The following USP39 variants were observed in gnomAD, a reference collection of about 807,000 sequenced individuals.
USP39 encodes ubiquitin carboxyl-terminal hydrolase 39.
Under a neutral mutation model 66.4 loss-of-function variants are expected in USP39, and 38 were observed. The ratio of observed to expected loss-of-function variants is 0.57; its 90% CI spans 0.44 to 0.75. The LOEUF (loss-of-function observed/expected upper bound fraction) is 0.75, where lower values mean the gene tolerates loss of function less well. Among genes scored for constraint, USP39 ranks in the 30% least tolerant of loss-of-function variants. USP39 has a pLI of 0.00. For missense variants in USP39, 608 were observed against 714.4 expected (o/e 0.85, Z 1.70); for synonymous variants, 303 against 274.6 (o/e 1.10, Z -1.02).
intron 5 of USP39, among the ~76,000 whole-genome samples, chr2:85,630,305 G>A (rs907368581): frequency 2.0e-5 from 3 of 152,092 alleles, no homozygotes; most frequent in African/African-American, 4.8e-5. Context: ...TGTTTCCTAG[G>A]TAGTTATTTT....
Position 85,648,920 on chromosome 2 carries a change from C to A in USP39, c.*112C>A. On this transcript the variant is annotated 3_prime_UTR_variant, in exon 13 of 13. Transcript: ENST00000323701. Reference sequence around the variant, plus strand: ...TGGTGGGCTTCCTAGGCCAGCCCAGCTTGTATGGGTTCTGGCTACACCAGA... The same window carrying A: ...TGGTGGGCTTCCTAGGCCAGCCCAGATTGTATGGGTTCTGGCTACACCAGA... 7.8e-7 allele frequency: 1 copy of A among 1,274,564 alleles called. No homozygotes were observed. Among genetic ancestry groups the A allele is most frequent in the Non-Finnish European group, 1.1e-6 (1 of 887,180 alleles). The allele number at this position is 1,274,564 out of a possible 1,614,324, so 79.0% of individuals were successfully genotyped here.
At chr2:85,627,177 A>G (rs1674937124) in intron 5 of USP39, among the ~76,000 whole-genome samples, 1 of 151,742 alleles carries the variant, frequency 6.6e-6, no homozygotes, top group South Asian at 2.1e-4. Context: ...GTTCACTGCA[A>G]CCTCTGCTCC....
chr2:85,604,047 G>A (rs1026238828), intron 1 of USP39, among the ~76,000 whole-genome samples: 1 of 152,208 alleles, frequency 6.6e-6, no homozygotes, highest in South Asian at 2.1e-4. Flanking sequence ...GTTGCCCAGC[G>A]TGGGGAGCTG....
At chr2:85,631,730 TTTTTGTTTTG>T (rs955411421) in intron 6 of USP39, among the ~76,000 whole-genome samples, 11 of 151,896 alleles carry the variant, frequency 7.2e-5, no homozygotes, top group African/African-American at 1.2e-4. Context: ...TCTGATGATA[TTTTTGTTTTG>T]TTTTGTTTTG....
intron 11 of USP39, chr2:85,645,980 C>T (rs1676612793): frequency 6.6e-6 from 1 of 152,172 alleles, no homozygotes; most frequent in South Asian, 2.1e-4. Context: ...GGTTGAGAAC[C>T]TCTGCCCTAG....
In USP39 at chr2:85,616,423, C is replaced by A; in HGVS notation, c.228C>A (p.Arg76=). 1 of 1,591,044 alleles carries A rather than the reference C, an allele frequency of 6.3e-7. No homozygotes were observed. The highest frequency in any genetic ancestry group is 8.6e-7 in the Non-Finnish European group (1 of 1,166,446). Residue 76 remains arginine, a synonymous_variant, in exon 1 of 13, where the codon CGC becomes CGA. Coordinates refer to ENST00000323701, the MANE Select transcript of USP39 (RefSeq NM_006590.4). ...VVPFVRVKRE[R]EVDEDSEPER... ...CGTTTGTGCGGGTGAAGCGGGAGCG[C>A]GAGGTCGATGAGGACTCGGAGCCTG... is the stretch of plus-strand genomic sequence containing the variant.
chr2:85,615,280 A>G (rs1220471080), upstream of USP39, among the ~76,000 whole-genome samples: 2 of 152,130 alleles, frequency 1.3e-5, no homozygotes, highest in African/African-American at 2.4e-5. Context: ...TTGGCCTCCC[A>G]AAGTGCTGGT....
chr2:85,636,016 T>A lies in USP39; in HGVS notation c.950-37T>A. The A allele has an allele frequency of 1.9e-6, 3 of 1,605,624 alleles. No individual in the cohort carries two copies. The South Asian group carries it at 3.3e-5, about 18-fold the overall frequency. ...TGGTTTAAGTTAACTCTAATGCCAC[T>A]TAGCTTCAACGTTTTCCACCCTTCC... On this transcript the variant is annotated intron_variant, in intron 6 of 12. Coordinates refer to ENST00000323701, the MANE Select transcript of USP39 (RefSeq NM_006590.4).
upstream of USP39, chr2:85,611,446 C>T (rs1310719661): frequency 1.3e-6 from 2 of 1,536,684 alleles, no homozygotes; most frequent in African/African-American, 1.4e-5. Context: ...CTTGCTGGCT[C>T]CCCGATACTC....
intron 3 of USP39, among the ~76,000 whole-genome samples, chr2:85,623,004 A>G (rs1674579266): frequency 6.6e-6 from 1 of 152,224 alleles, no homozygotes; most frequent in Admixed American, 6.5e-5. Flanking sequence ...GGCACGGAGT[A>G]AAAATAAGTG....
chr2:85,614,702 T>C (rs1410986141), upstream of USP39, among the ~76,000 whole-genome samples: 1 of 152,200 alleles, frequency 6.6e-6, no homozygotes, highest in African/African-American at 2.4e-5. Context: ...TTATTATATT[T>C]TGCAAGAAGA....
chr2:85,612,517 G>C (rs554360201), upstream of USP39, among the ~76,000 whole-genome samples: 5 of 152,308 alleles, frequency 3.3e-5, no homozygotes, highest in East Asian at 5.8e-4. Flanking sequence ...GGCAACAGCG[G>C]CGCCCAGGCC....
chr2:85,621,365 T>A, intron 2 of USP39, 120 bp from the exon 3 acceptor site: 1 of 777,784 alleles, frequency 1.3e-6, no homozygotes, highest in Non-Finnish European at 2.2e-6. Flanking sequence ...GTATATATGG[T>A]TGTGAACTGT....
chr2:85,612,324 C>T (rs1426747672), upstream of USP39: 38 of 1,535,936 alleles, frequency 2.5e-5, no homozygotes, highest in East Asian at 9.3e-4. Context: ...TAACACAACT[C>T]GATGCTTACG....
At chr2:85,625,760 T>C (rs1674804273) in intron 5 of USP39, 69 bp downstream of exon 5, 1 of 1,563,278 alleles carries the variant, frequency 6.4e-7, no homozygotes, top group African/African-American at 1.4e-5. Context: ...GGCTCACCCC[T>C]GTAATCCCAG....
At chr2:85,627,257 C>T (rs929199366) in intron 5 of USP39, among the ~76,000 whole-genome samples, 11 of 148,512 alleles carry the variant, frequency 7.4e-5, no homozygotes, top group African/African-American at 1.5e-4. Context: ...CCACCACACC[C>T]GGCTAATTTT....
Position 85,649,045 on chromosome 2 carries a change from G to T in USP39, c.*237G>T. The T allele has an allele frequency of 1.8e-6, 1 of 546,824 alleles. No homozygotes were observed. 33.9% of individuals were successfully genotyped at this position (546,824 alleles called of 1,614,324 possible). ...GATGCTCCTTTCTCCCATGCATTGA[G>T]CTCCCATCTAGCTTCAGCAGGGCAG... On this transcript the variant is annotated 3_prime_UTR_variant, in exon 13 of 13. Transcript: ENST00000323701.
rs544800388 is a variant in USP39 at position 85,628,997 on chromosome 2, G to A, written c.724-1724G>A. Among the ~76,000 whole-genome samples the A allele has an allele frequency of 1.1e-3, 164 of 152,256 alleles. 1 individual carries two copies. Among genetic ancestry groups the A allele is most frequent in the African/African-American group, 3.7e-3 (154 of 41,552 alleles). ...GTTCATGGTAAGCACAGTGCTGGTC[G>A]GGAAGGACCTGTGGGGATACTGCAT... On this transcript the variant is annotated intron_variant, in intron 5 of 12. Coordinates refer to ENST00000323701, the MANE Select transcript of USP39 (RefSeq NM_006590.4).
chr2:85,641,452 G>C (rs1164411181), intron 10 of USP39, among the ~76,000 whole-genome samples: 1 of 152,172 alleles, frequency 6.6e-6, no homozygotes, highest in African/African-American at 2.4e-5. Context: ...GTGAGGGTCT[G>C]CCCATCTATT....
Sources: gnomAD v4.1 joint callset for allele counts (sites outside exome capture counted in the v4.1 genomes callset) on GRCh38, gnomAD v4.1.1 for gene constraint, MANE v1.5 for transcripts, NCBI Gene and HGNC (gene_info 2026-07-23, HGNC 2026-07-21) for gene names.